The following USH2A variants were observed in gnomAD, a reference collection of about 807,000 sequenced individuals.
USH2A encodes the protein usherin.
A neutral mutation model predicts 538.9 loss-of-function variants in USH2A; 443 were observed. The observed-to-expected ratio is 0.82, with a 90% confidence interval of 0.76 to 0.89. The LOEUF (loss-of-function observed/expected upper bound fraction) is 0.89, where lower values mean the gene tolerates loss of function less well. Ranked by LOEUF, USH2A falls within the 40% of genes least tolerant of loss-of-function variation. USH2A has a pLI of 0.00. For missense variants in USH2A, 6,633 were observed against 6,324.8 expected, an observed-to-expected ratio of 1.05 and a Z score of -1.65; for synonymous variants, 2,413 against 2,273.5, an observed-to-expected ratio of 1.06 and a Z score of -1.75.
At chr1:215,721,100 G>A (rs1659643116) in intron 61 of USH2A, among the ~76,000 whole-genome samples, 1 of 151,916 alleles carries the variant, frequency 6.6e-6, no homozygotes, top group South Asian at 2.1e-4. Flanking sequence ...TTTGAGACAG[G>A]TTCTTGCCCT....
At chr1:216,069,818 T>C (rs2031497934) in intron 30 of USH2A, among the ~76,000 whole-genome samples, 1 of 152,116 alleles carries the variant, frequency 6.6e-6, no homozygotes, top group Non-Finnish European at 1.5e-5. Context: ...GTCTATAAGG[T>C]GTTAAAGGGC....
intron 32 of USH2A, among the ~76,000 whole-genome samples, chr1:216,016,144 G>T (rs142002320): frequency 0.024 from 3,554 of 145,572 alleles, 129 homozygotes; most frequent in African/African-American, 0.082. Flanking sequence ...ACTGAACAAT[G>T]AGAGCACATG....
In USH2A at chr1:215,970,696, A is replaced by C; in HGVS notation, c.6886T>G (p.Phe2296Val). 6.2e-7 allele frequency: 1 copy of C among 1,613,716 alleles called. No homozygotes were observed. The highest frequency in any genetic ancestry group is 8.5e-7 in the Non-Finnish European group (1 of 1,179,734). The change falls in exon 36 of 72, where the codon TTT (phenylalanine) becomes GTT (valine). Residue 2296 changes from phenylalanine to valine, a missense_variant. By Grantham distance (50) the Phe-to-Val change is conservative. Coordinates refer to ENST00000307340, the MANE Select transcript of USH2A (RefSeq NM_206933.4). Reference sequence around the variant, plus strand: ...AAGGAATGTAAACTCCAAGGAGCAAATCCGTAAGCACGATAGCTGAGTTCT... The same window carrying C: ...AAGGAATGTAAACTCCAAGGAGCAACTCCGTAAGCACGATAGCTGAGTTCT... ...SSELSYRAYGFAPWSLHSFRV... is the reference protein window; with the variant it reads ...SSELSYRAYGVAPWSLHSFRV...
intron 58 of USH2A, among the ~76,000 whole-genome samples, chr1:215,744,656 T>C (rs1249586205): frequency 6.6e-6 from 1 of 152,204 alleles, no homozygotes; most frequent in Admixed American, 6.5e-5. Context: ...TTGCTTTTTA[T>C]AGATGTGGCC....
At chr1:216,247,516 T>C (rs927518872) in intron 12 of USH2A, among the ~76,000 whole-genome samples, 3 of 152,212 alleles carry the variant, frequency 2.0e-5, no homozygotes, top group Admixed American at 6.5e-5. Context: ...GAGCTCTTTT[T>C]CTCTTTAACA....
intron 47 of USH2A, among the ~76,000 whole-genome samples, chr1:215,821,692 T>C (rs147616101): frequency 4.6e-5 from 7 of 151,940 alleles, no homozygotes; most frequent in South Asian, 2.1e-4. Flanking sequence ...GCCTAGATCA[T>C]GTCTGGGAGC....
chr1:215,993,746 G>A (rs1462959325), intron 34 of USH2A, among the ~76,000 whole-genome samples: 2 of 152,128 alleles, frequency 1.3e-5, no homozygotes, highest in African/African-American at 4.8e-5. Flanking sequence ...AGCAATTTTT[G>A]AGTGAATGTT....
chr1:215,785,343 A>G (rs1661768587), intron 52 of USH2A, among the ~76,000 whole-genome samples: 1 of 152,184 alleles, frequency 6.6e-6, no homozygotes, highest in South Asian at 2.1e-4. Flanking sequence ...GTGCATTTGG[A>G]GCACTCTGAA....
intron 32 of USH2A, among the ~76,000 whole-genome samples, chr1:216,001,190 A>T (rs1571878632): frequency 2.0e-5 from 3 of 152,304 alleles, no homozygotes; most frequent in Admixed American, 6.5e-5. Flanking sequence ...ACACTGTGTC[A>T]TGACTATATG....
Position 215,799,135 on chromosome 1 carries a change from T to C in USH2A, c.9740-10A>G. On this transcript the variant is annotated splice_polypyrimidine_tract_variant and intron_variant, in intron 49 of 71. Coordinates refer to ENST00000307340, the MANE Select transcript of USH2A (RefSeq NM_206933.4). ...GGACAGCATACTTCACCTGTCAATT[T>C]AGGACAATAATAATCATTACATCAG... The C allele has an allele frequency of 6.2e-7, 1 of 1,611,558 alleles. No individual in the cohort carries two copies. Among genetic ancestry groups the C allele is most frequent in the Non-Finnish European group, 8.5e-7 (1 of 1,178,534 alleles).
At chr1:215,840,260 G>A (rs767472016) in intron 46 of USH2A, among the ~76,000 whole-genome samples, 6 of 145,936 alleles carry the variant, frequency 4.1e-5, no homozygotes, top group Non-Finnish European at 6.0e-5. Context: ...GGTTAGCATA[G>A]AGAGCCTTAA....
chr1:215,913,738 G>GC (rs576730832), intron 38 of USH2A, among the ~76,000 whole-genome samples: 1 of 149,192 alleles, frequency 6.7e-6, no homozygotes, highest in Non-Finnish European at 1.5e-5. Context: ...TTTGATTCGA[G>GC]TTTTTTTTTT....
At chr1:216,038,748 C>A (rs557968094) in intron 32 of USH2A, among the ~76,000 whole-genome samples, 1 of 152,122 alleles carries the variant, frequency 6.6e-6, no homozygotes, top group Middle Eastern at 3.4e-3. Flanking sequence ...AATTTAAGCA[C>A]TTTAAAACGT....
At chr1:216,182,863 A>G (rs1025442482) in intron 20 of USH2A, among the ~76,000 whole-genome samples, 1 of 152,100 alleles carries the variant, frequency 6.6e-6, no homozygotes, top group Non-Finnish European at 1.5e-5. Context: ...ATGTTTGCAC[A>G]CTACCAGTTA....
intron 32 of USH2A, among the ~76,000 whole-genome samples, chr1:216,008,687 C>G (rs970319602): frequency 3.9e-5 from 6 of 152,210 alleles, no homozygotes; most frequent in Middle Eastern, 3.2e-3. Flanking sequence ...GGACATCTCA[C>G]CAATTTTAAA....
At chr1:216,244,977 T>C (rs2036008479) in intron 13 of USH2A, among the ~76,000 whole-genome samples, 1 of 152,200 alleles carries the variant, frequency 6.6e-6, no homozygotes, top group Admixed American at 6.5e-5. Flanking sequence ...AAGAAGGATG[T>C]ATAAATCATG....
At chr1:215,711,688 C>T (rs945361684) in intron 61 of USH2A, among the ~76,000 whole-genome samples, 2 of 152,054 alleles carry the variant, frequency 1.3e-5, no homozygotes, top group African/African-American at 2.4e-5. Context: ...TTTGTCCTGC[C>T]TGTTTTGTAA....
At chr1:215,786,641 C>A in intron 52 of USH2A, 29 bp downstream of exon 52, 1 of 1,611,922 alleles carries the variant, frequency 6.2e-7, no homozygotes, top group South Asian at 1.1e-5. Flanking sequence ...CCCCATTAAG[C>A]CATGGGCAGA....
chr1:216,322,786 G>T (rs1397606321), intron 8 of USH2A, among the ~76,000 whole-genome samples: 1 of 151,380 alleles, frequency 6.6e-6, no homozygotes, highest in Non-Finnish European at 1.5e-5. Context: ...CTGGTATTTT[G>T]GTCTGCTTTT....
Sources: allele counts gnomAD v4.1 joint callset (sites outside exome capture counted in the v4.1 genomes callset), GRCh38; gene constraint gnomAD v4.1.1; transcripts MANE v1.5; gene names NCBI Gene and HGNC (gene_info 2026-07-23, HGNC 2026-07-21).